The following ASTN2 variants were observed in gnomAD, a reference collection of about 807,000 sequenced individuals.
ASTN2 encodes the protein astrotactin 2.
In ASTN2, 54 loss-of-function variants were observed where a neutral mutation model predicts 139.8. That is an observed-to-expected ratio of 0.39 (90% CI 0.31 to 0.48). ASTN2 has a LOEUF of 0.48. ASTN2 is among the 20% of genes least tolerant of loss of function. ASTN2 has a pLI of 0.95. For synonymous variants in ASTN2, 756 were observed against 719.5 expected (o/e 1.05, Z -0.81); for missense variants, 1,565 against 1,725.1 (o/e 0.91, Z 1.64).
intron 20 of ASTN2, among the ~76,000 whole-genome samples, chr9:116,476,322 G>A (rs1348255798): frequency 1.3e-5 from 2 of 152,198 alleles, no homozygotes; most frequent in Non-Finnish European, 2.9e-5. Context: ...CTGCAAAGAT[G>A]ATTTCCAAAT....
Position 116,888,700 on chromosome 9 carries a change from T to TAA in ASTN2, c.1890-24969_1890-24968dup, listed in dbSNP as rs56244330. Among the ~76,000 whole-genome samples the TAA allele has an allele frequency of 2.0e-5, 3 of 148,512 alleles. 1 individual carries two copies. The highest frequency in any genetic ancestry group is 3.0e-5 in the Non-Finnish European group (2 of 66,750). ...ACCACACCCAGCTAATTTTTGTAAT[T>TAA]AAAAAAAAAAATAAGTTCTGGAATA... On this transcript the variant is annotated intron_variant, in intron 10 of 22. Coordinates refer to ENST00000313400, the MANE Select transcript of ASTN2 (RefSeq NM_001365068.1).
chr9:116,810,204 A>G (rs971162088), intron 12 of ASTN2, among the ~76,000 whole-genome samples: 2 of 152,188 alleles, frequency 1.3e-5, no homozygotes, highest in African/African-American at 2.4e-5. Context: ...AACAGTTTGT[A>G]TCTCTATTTA....
chr9:116,620,431 C>T lies in ASTN2; in HGVS notation c.3085G>A (p.Ala1029Thr), dbSNP rs1485971650. Residue 1029 changes from alanine to threonine, a missense_variant, in exon 18 of 23, where the codon GCA (alanine) becomes ACA (threonine). Transcript: ENST00000313400. The stretch of plus-strand genomic sequence containing the variant: ...GAGCACCAGTAGGAACTCATCAGTG[C>T]ACTCTTGAAGGCCTGGACAAAAAAA... ...DNGTKEAFKSALMSSYWCSGK... is the reference protein window; with the variant it reads ...DNGTKEAFKSTLMSSYWCSGK... The T allele has an allele frequency of 1.2e-6, 2 of 1,614,066 alleles. No individual in the cohort carries two copies. Among genetic ancestry groups the T allele is most frequent in the Admixed American group, 1.7e-5 (1 of 60,020 alleles).
intron 12 of ASTN2, among the ~76,000 whole-genome samples, chr9:116,808,277 TTGTGTGTGTGTGTGTG>T (rs10553571): frequency 0.012 from 1,769 of 149,676 alleles, 49 homozygotes; most frequent in African/African-American, 0.041. Context: ...TAAATACATA[TTGTGTGTGTGTGTGTG>T]TGTGTGTGTG....
At chr9:116,924,429 C>CA (rs35015769) in intron 10 of ASTN2, among the ~76,000 whole-genome samples, 1,773 of 54,314 alleles carry the variant, frequency 0.033, 40 homozygotes, top group Non-Finnish European at 0.04. Context: ...GACTTCATCT[C>CA]AAAAAAAAAA....
In ASTN2 at chr9:116,935,548, A is replaced by G. The variant is rs768052033; in HGVS notation, c.1889+39660T>C. ...AATGGACTTTGGCATGAGCCAGAAAAGAAAGAAAAAAGCAAAAAGCAAAAA... is the reference window on the plus strand; with the variant it reads ...AATGGACTTTGGCATGAGCCAGAAAGGAAAGAAAAAAGCAAAAAGCAAAAA... On this transcript the variant is annotated intron_variant, in intron 10 of 22. Transcript: ENST00000313400. Among the ~76,000 whole-genome samples the G allele has an allele frequency of 4.8e-4, 73 of 152,228 alleles. 1 individual carries two copies. The highest frequency in any genetic ancestry group is 3.2e-3 in the Middle Eastern group (1 of 316).
At chr9:116,907,921 G>A (rs1834209367) in intron 10 of ASTN2, among the ~76,000 whole-genome samples, 1 of 152,120 alleles carries the variant, frequency 6.6e-6, no homozygotes, top group Non-Finnish European at 1.5e-5. Flanking sequence ...GCTGTAGGAG[G>A]CATCGTTTGG....
At position 117,272,127 on chromosome 9, in the gene ASTN2, G is replaced by A. The variant is rs117960187; in HGVS notation, c.630+19199C>T. Among the ~76,000 whole-genome samples, 52 of 152,308 alleles carry A rather than the reference G, an allele frequency of 3.4e-4. 1 individual carries two copies. In the East Asian group the frequency reaches 7.8e-3, roughly 23 times the overall value. On this transcript the variant is annotated intron_variant, in intron 2 of 22. Coordinates refer to ENST00000313400, the MANE Select transcript of ASTN2 (RefSeq NM_001365068.1). ...CCTGGGCTTCAAGGCGTTTCCACACGTCTTCTGAAATCTAGGCAGAGGTTC... is the reference window on the plus strand; with the variant it reads ...CCTGGGCTTCAAGGCGTTTCCACACATCTTCTGAAATCTAGGCAGAGGTTC...
chr9:116,678,252 A>G (rs1028669163), intron 16 of ASTN2, among the ~76,000 whole-genome samples: 17 of 152,210 alleles, frequency 1.1e-4, no homozygotes, highest in Non-Finnish European at 1.5e-5. Flanking sequence ...GATTATAGAT[A>G]AGGCCTGGGG....
intron 10 of ASTN2, among the ~76,000 whole-genome samples, chr9:116,952,951 G>A (rs2132489525): frequency 6.6e-6 from 1 of 152,274 alleles, no homozygotes; most frequent in Non-Finnish European, 1.5e-5. Flanking sequence ...AGGGATCCAG[G>A]TGGCCCGTCT....
rs58269596 is a variant in ASTN2, at chr9:116,510,986, C to T, written c.3356-23486G>A. Reference sequence around the variant, plus strand: ...GACTTCCTCTTTTCCTAATTGAGTACCCTTTATTTCCTTCTCCTGCCTGAT... The same window carrying T: ...GACTTCCTCTTTTCCTAATTGAGTATCCTTTATTTCCTTCTCCTGCCTGAT... On this transcript the variant is annotated intron_variant, in intron 19 of 22. Coordinates refer to ENST00000313400, the MANE Select transcript of ASTN2 (RefSeq NM_001365068.1). 9.0e-3 allele frequency among the ~76,000 whole-genome samples: 1,376 copies of T among 152,228 alleles called. 24 individuals carry two copies. Among genetic ancestry groups the T allele is most frequent in the African/African-American group, 0.032 (1,322 of 41,512 alleles).
At chr9:116,976,222 A>T (rs747109595) in intron 8 of ASTN2, 34 bp from the exon 9 acceptor site, 2 of 1,591,112 alleles carry the variant, frequency 1.3e-6, no homozygotes, top group Non-Finnish European at 1.7e-6. Context: ...AGAAGATGAC[A>T]TTAGTCAGAG....
chr9:117,243,758 T>C (rs1159143946), intron 2 of ASTN2, among the ~76,000 whole-genome samples: 1 of 152,114 alleles, frequency 6.6e-6, no homozygotes, highest in Non-Finnish European at 1.5e-5. Context: ...CCCCTCCCCA[T>C]GATGTACAGG....
At chr9:116,883,467 T>C (rs1474069815) in intron 10 of ASTN2, among the ~76,000 whole-genome samples, 2 of 152,184 alleles carry the variant, frequency 1.3e-5, no homozygotes, top group Non-Finnish European at 2.9e-5. Flanking sequence ...ACCTCCATTT[T>C]GGGTTTGCGG....
At chr9:117,295,675 T>A (rs1417584784) in intron 1 of ASTN2, among the ~76,000 whole-genome samples, 1 of 151,904 alleles carries the variant, frequency 6.6e-6, no homozygotes, top group Admixed American at 6.6e-5. Context: ...CACACTTACT[T>A]GCACACATCC....
chr9:116,900,024 A>G (rs780195634), intron 10 of ASTN2, among the ~76,000 whole-genome samples: 22 of 152,160 alleles, frequency 1.4e-4, no homozygotes, highest in Non-Finnish European at 4.4e-5. Flanking sequence ...CCCATTCCCT[A>G]GGCCCCTGCT....
chr9:116,724,538 G>C (rs1447203805), intron 16 of ASTN2, among the ~76,000 whole-genome samples: 1 of 151,902 alleles, frequency 6.6e-6, no homozygotes, highest in Admixed American at 6.6e-5. Context: ...GAGGTGTAGA[G>C]CACCCCACTT....
chr9:117,014,747 G>T (rs1252788938), intron 6 of ASTN2, among the ~76,000 whole-genome samples: 2 of 151,956 alleles, frequency 1.3e-5, no homozygotes, highest in African/African-American at 4.8e-5. Flanking sequence ...ATTTCAATAC[G>T]ACTGATGTCC....
chr9:116,977,944 T>A (rs559707582), intron 7 of ASTN2, among the ~76,000 whole-genome samples: 6 of 152,192 alleles, frequency 3.9e-5, no homozygotes, highest in African/African-American at 1.2e-4. Flanking sequence ...CTCAAACTCC[T>A]GAACCCAAGT....
Sources: allele counts gnomAD v4.1 joint callset (sites outside exome capture counted in the v4.1 genomes callset), GRCh38; gene constraint gnomAD v4.1.1; transcripts MANE v1.5; gene names NCBI Gene and HGNC (gene_info 2026-07-23, HGNC 2026-07-21).